Variants in MDGA2 observed in about 807,000 individuals in gnomAD.
MDGA2 encodes MAM domain-containing glycosylphosphatidylinositol anchor protein 2.
In MDGA2, 40 loss-of-function variants were observed where a neutral mutation model predicts 117.8. The ratio of observed to expected loss-of-function variants is 0.34; its 90% CI spans 0.26 to 0.44. The LOEUF (loss-of-function observed/expected upper bound fraction) is 0.44. Among genes scored for constraint, MDGA2 ranks in the 20% least tolerant of loss-of-function variants. The probability of loss-of-function intolerance (pLI) is 1.00; values close to 1 mark genes in which losing one functional copy is unlikely to be tolerated. For synonymous variants in MDGA2, 452 were observed against 439.0 expected (o/e 1.03, Z -0.37); for missense variants, 1,123 against 1,250.6 (o/e 0.90, Z 1.54).
At chr14:47,071,892 C>T (rs1429711997) in intron 6 of MDGA2, among the ~76,000 whole-genome samples, 1 of 152,044 alleles carries the variant, frequency 6.6e-6, no homozygotes, top group Non-Finnish European at 1.5e-5. Flanking sequence ...CAATAAAATT[C>T]ACAATCCTAG....
At chr14:47,130,504 T>G (rs1882148514) in intron 5 of MDGA2, among the ~76,000 whole-genome samples, 1 of 152,190 alleles carries the variant, frequency 6.6e-6, no homozygotes, top group South Asian at 2.1e-4. Flanking sequence ...ATGAACATTT[T>G]GAAATCTTGG....
chr14:47,057,119 C>T lies in MDGA2; in HGVS notation c.1525+4130G>A, dbSNP rs911269381. Among the ~76,000 whole-genome samples the T allele has an allele frequency of 3.9e-5, 6 of 152,136 alleles. No individual in the cohort carries two copies. In the East Asian group the frequency reaches 7.7e-4, roughly 20 times the overall value. ...CCTACAGTAAAAACAATAATTATCA[C>T]TTTAATATTCTTGAGACTTTCTTCA... On this transcript the variant is annotated intron_variant, in intron 7 of 16. Transcript: ENST00000399232.
chr14:47,121,252 T>C (rs1036211290), intron 5 of MDGA2, among the ~76,000 whole-genome samples: 1 of 152,154 alleles, frequency 6.6e-6, no homozygotes, highest in Non-Finnish European at 1.5e-5. Context: ...TTAGTTTGCT[T>C]GGTCTTCAGA....
At chr14:47,156,079 TG>T (rs1385007492) in intron 3 of MDGA2, among the ~76,000 whole-genome samples, 2 of 151,720 alleles carry the variant, frequency 1.3e-5, no homozygotes, top group Non-Finnish European at 2.9e-5. Context: ...GGCTAATTTT[TG>T]TATTTTTAGT....
intron 1 of MDGA2, among the ~76,000 whole-genome samples, chr14:47,604,116 A>C (rs1362179576): frequency 6.6e-6 from 1 of 152,122 alleles, no homozygotes. Context: ...AGCAATATGA[A>C]AACAGCCAAA....
intron 1 of MDGA2, among the ~76,000 whole-genome samples, chr14:47,379,958 C>T (rs190013906): frequency 1.1e-4 from 16 of 152,202 alleles, no homozygotes; most frequent in Non-Finnish European, 1.5e-4. Context: ...TCAAAATTGA[C>T]CACATTGTTG....
intron 1 of MDGA2, among the ~76,000 whole-genome samples, chr14:47,508,823 G>A (rs1229953050): frequency 1.3e-5 from 2 of 151,942 alleles, no homozygotes; most frequent in East Asian, 1.9e-4. Flanking sequence ...GGGACTACAG[G>A]CACCCACCAC....
chr14:46,905,543 A>G (rs895004757), intron 10 of MDGA2, among the ~76,000 whole-genome samples: 6 of 152,204 alleles, frequency 3.9e-5, no homozygotes, highest in Non-Finnish European at 8.8e-5. Context: ...TGCAAATGCA[A>G]ACAGATTGAA....
At chr14:47,497,542 G>A (rs903963910) in intron 1 of MDGA2, among the ~76,000 whole-genome samples, 6 of 152,132 alleles carry the variant, frequency 3.9e-5, no homozygotes, top group Non-Finnish European at 7.3e-5. Context: ...ACAGGCATGA[G>A]CCACCACACC....
intron 1 of MDGA2, among the ~76,000 whole-genome samples, chr14:47,490,598 G>C (rs1894148392): frequency 6.6e-6 from 1 of 151,910 alleles, no homozygotes; most frequent in Admixed American, 6.6e-5. Context: ...TATACATATT[G>C]GCGAGCATAA....
intron 10 of MDGA2, among the ~76,000 whole-genome samples, chr14:46,894,102 C>T (rs1321679939): frequency 6.6e-6 from 1 of 151,960 alleles, no homozygotes; most frequent in Admixed American, 6.6e-5. Context: ...TGAGGACTCA[C>T]TATTGCCAGA....
At chr14:46,970,921 C>A (rs1886237360) in intron 8 of MDGA2, among the ~76,000 whole-genome samples, 2 of 152,096 alleles carry the variant, frequency 1.3e-5, no homozygotes, top group South Asian at 4.1e-4. Flanking sequence ...AAATGGCCAA[C>A]AGGTATCTGA....
At chr14:47,160,986 A>T (rs2139274831) in intron 3 of MDGA2, among the ~76,000 whole-genome samples, 1 of 152,248 alleles carries the variant, frequency 6.6e-6, no homozygotes, top group South Asian at 2.1e-4. Flanking sequence ...TTCTAAGGTT[A>T]TGTCTCTTTC....
At chr14:47,160,274 A>C (rs1259041860) in intron 3 of MDGA2, among the ~76,000 whole-genome samples, 2 of 152,226 alleles carry the variant, frequency 1.3e-5, no homozygotes, top group African/African-American at 4.8e-5. Context: ...TCTGAACTCT[A>C]CTAATAAAAC....
intron 3 of MDGA2, among the ~76,000 whole-genome samples, chr14:47,154,337 T>G (rs1883281595): frequency 6.6e-6 from 1 of 152,160 alleles, no homozygotes; most frequent in Non-Finnish European, 1.5e-5. Context: ...ACGACCGCAG[T>G]GGGGGAGATG....
At chr14:47,549,341 T>TTCTCTCTCTCTC (rs1411617142) in intron 1 of MDGA2, among the ~76,000 whole-genome samples, 7 of 64,706 alleles carry the variant, frequency 1.1e-4, no homozygotes, top group African/African-American at 3.3e-4. Flanking sequence ...TTCACCAGTA[T>TTCTCTCTCTCTC]TATCTCTCTC....
intron 3 of MDGA2, chr14:47,200,796 G>C (rs775991396): frequency 7.4e-6 from 6 of 805,788 alleles, no homozygotes; most frequent in African/African-American, 3.4e-5. Context: ...TTTCTTGCAG[G>C]CTTCAAACGC....
intron 8 of MDGA2, among the ~76,000 whole-genome samples, chr14:46,968,703 G>A (rs1886135355): frequency 6.6e-6 from 1 of 151,538 alleles, no homozygotes; most frequent in African/African-American, 2.4e-5. Context: ...TGGGTATGGT[G>A]GTGTGTGCCT....
chr14:47,026,133 A>T (rs1888465232), intron 8 of MDGA2, among the ~76,000 whole-genome samples: 1 of 152,216 alleles, frequency 6.6e-6, no homozygotes, highest in South Asian at 2.1e-4. Flanking sequence ...TTAAAATATG[A>T]TATTACATCA....
Sources: gnomAD v4.1 joint callset for allele counts (sites outside exome capture counted in the v4.1 genomes callset) on GRCh38, gnomAD v4.1.1 for gene constraint, MANE v1.5 for transcripts, NCBI Gene and HGNC (gene_info 2026-07-23, HGNC 2026-07-21) for gene names.